Variants in CDH1 observed in about 807,000 individuals in gnomAD.
CDH1 encodes the protein cadherin-1.
In CDH1, 35 loss-of-function variants were observed where a neutral mutation model predicts 84.5. That is an observed-to-expected ratio of 0.41 (90% CI 0.32 to 0.55). The LOEUF is 0.55. CDH1 is among the 20% of genes least tolerant of loss of function. The pLI, the probability that CDH1 is intolerant of heterozygous loss-of-function variation, is 0.19. For missense variants in CDH1, 994 were observed against 1,126.6 expected (o/e 0.88, Z 1.68); for synonymous variants, 417 against 439.0 (o/e 0.95, Z 0.63).
chr16:68,825,609 G>A (rs1961299993), intron 13 of CDH1, among the ~76,000 whole-genome samples: 1 of 152,128 alleles, frequency 6.6e-6, no homozygotes, highest in African/African-American at 2.4e-5. Flanking sequence ...TGAGAATTGA[G>A]CAAGCCTTCT....
At chr16:68,778,566 CAG>C (rs1172788490) in intron 2 of CDH1, among the ~76,000 whole-genome samples, 1 of 151,814 alleles carries the variant, frequency 6.6e-6, no homozygotes. Context: ...TTCCCAGAAA[CAG>C]AAATGCTTCT....
Position 68,823,542 on chromosome 16 carries a change from G to A in CDH1, c.2080G>A (p.Val694Ile), listed in dbSNP as rs587780118. 15 of 1,613,924 alleles carry A rather than the reference G, an allele frequency of 9.3e-6. No individual in the cohort carries two copies. Among genetic ancestry groups the A allele is most frequent in the Middle Eastern group, 1.6e-4 (1 of 6,076 alleles). Residue 694 changes from valine to isoleucine, a missense_variant, in exon 13 of 16, where the codon GTC becomes ATC. Val to Ile is a conservative substitution (Grantham distance 29). This residue lies in a region of CDH1 where 769 missense variants were observed against 881.8 expected (regional missense o/e 0.87). Coordinates refer to ENST00000261769, the MANE Select transcript of CDH1 (RefSeq NM_004360.5). ...SVCDCEGAAG[V>I]CRKAQPVEAG... ...GTGTGACTGTGAAGGGGCCGCTGGC[G>A]TCTGTAGGAAGGCACAGCCTGTCGA...
In CDH1 at chr16:68,833,490, G is replaced by A. The variant is rs864622218; in HGVS notation, c.2640G>A (p.Glu880=). 4 of 1,613,568 alleles carry A rather than the reference G, an allele frequency of 2.5e-6. No individual in the cohort carries two copies. Among genetic ancestry groups the A allele is most frequent in the Non-Finnish European group, 3.4e-6 (4 of 1,179,864 alleles). Residue 880 remains glutamate, a synonymous_variant, in exon 16 of 16, where the codon GAG becomes GAA. Coordinates refer to ENST00000261769, the MANE Select transcript of CDH1 (RefSeq NM_004360.5). ...KKLADMYGGG[E]DD ...TGGCTGACATGTACGGAGGCGGCGA[G>A]GACGACTAGGGGACTCGAGAGAGGC...
intron 2 of CDH1, among the ~76,000 whole-genome samples, chr16:68,786,538 T>TTTTTTC (rs1259105525): frequency 7.5e-6 from 1 of 133,862 alleles, no homozygotes; most frequent in Non-Finnish European, 1.6e-5. Flanking sequence ...TTTTTTCTTT[T>TTTTTTC]TTTTTTTTTT....
Position 68,812,547 on chromosome 16 carries a change from A to G in CDH1, c.1137+284A>G, listed in dbSNP as rs7185782. Among the ~76,000 whole-genome samples the G allele has an allele frequency of 1.9e-3, 295 of 152,272 alleles. 1 individual carries two copies. The highest frequency in any genetic ancestry group is 6.9e-3 in the African/African-American group (288 of 41,554). On this transcript the variant is annotated intron_variant, in intron 8 of 15. Coordinates refer to ENST00000261769, the MANE Select transcript of CDH1 (RefSeq NM_004360.5). ...TTTATAGCAAATATTACCTGGTTTC[A>G]TTTCTTTATTGAACAAATATTTTCT...
At chr16:68,823,237 CAAAA>C (rs146046879) in intron 12 of CDH1, 158 bp from the exon 13 acceptor site, 2,295 of 519,332 alleles carry the variant, frequency 4.4e-3, no homozygotes, top group Middle Eastern at 5.8e-3. Context: ...CTTTTTACAG[CAAAA>C]AAAAAAAAAA....
At chr16:68,762,349 C>A (rs1015980947) in intron 2 of CDH1, among the ~76,000 whole-genome samples, 5 of 152,170 alleles carry the variant, frequency 3.3e-5, no homozygotes, top group East Asian at 1.9e-4. Flanking sequence ...TATGCTCCCC[C>A]ACCAGGCTGG....
intron 2 of CDH1, among the ~76,000 whole-genome samples, chr16:68,800,576 G>T (rs1055016704): frequency 6.6e-6 from 1 of 152,206 alleles, no homozygotes; most frequent in Non-Finnish European, 1.5e-5. Flanking sequence ...TTATAAAAGA[G>T]AACTTGGATG....
At chr16:68,758,737 C>T (rs1963084822) in intron 2 of CDH1, among the ~76,000 whole-genome samples, 1 of 151,788 alleles carries the variant, frequency 6.6e-6, no homozygotes, top group South Asian at 2.1e-4. Context: ...AAGAGTGATA[C>T]CCCCTTATCA....
intron 2 of CDH1, among the ~76,000 whole-genome samples, chr16:68,793,624 G>A (rs1960271437): frequency 6.6e-6 from 1 of 152,200 alleles, no homozygotes; most frequent in Non-Finnish European, 1.5e-5. Context: ...AGGCGCAGTG[G>A]CTCATACCTG....
At chr16:68,814,705 T>C (rs541476495) in intron 9 of CDH1, among the ~76,000 whole-genome samples, 23 of 152,192 alleles carry the variant, frequency 1.5e-4, no homozygotes, top group Non-Finnish European at 2.6e-4. Flanking sequence ...TCTGCTCTTG[T>C]GCTGGTTTAT....
chr16:68,800,958 G>A (rs557396716), intron 2 of CDH1, among the ~76,000 whole-genome samples: 1 of 152,080 alleles, frequency 6.6e-6, no homozygotes, highest in Non-Finnish European at 1.5e-5. Context: ...TCTTCGTCAC[G>A]ATTTTGTCCT....
At chr16:68,810,479 G>T in intron 6 of CDH1, 138 bp downstream of exon 6, 1 of 755,826 alleles carries the variant, frequency 1.3e-6, no homozygotes, top group South Asian at 1.5e-5. Context: ...AGCCATTGTT[G>T]TGTTATATGC....
chr16:68,815,818 A>G (rs1243683782), intron 10 of CDH1, 59 bp downstream of exon 10: 3 of 1,570,296 alleles, frequency 1.9e-6, no homozygotes, highest in African/African-American at 2.7e-5. Context: ...ATCATTTTAT[A>G]TGTAAATCAA....
chr16:68,823,112 C>A, intron 12 of CDH1: 2 of 407,318 alleles, frequency 4.9e-6, no homozygotes, highest in Non-Finnish European at 4.5e-6. Flanking sequence ...CCTACCGAAC[C>A]CAGCGACATC....
At chr16:68,743,551 A>G (rs2152115841) in intron 2 of CDH1, among the ~76,000 whole-genome samples, 1 of 151,710 alleles carries the variant, frequency 6.6e-6, no homozygotes, top group African/African-American at 2.4e-5. Flanking sequence ...TTTTTAGTAG[A>G]TTCGGGGTTT....
intron 2 of CDH1, among the ~76,000 whole-genome samples, chr16:68,762,334 TC>T (rs2152119420): frequency 6.6e-6 from 1 of 152,288 alleles, no homozygotes; most frequent in Non-Finnish European, 1.5e-5. Context: ...TCCCCTGGGT[TC>T]CTTTATGCTC....
intron 8 of CDH1, 113 bp from the exon 9 acceptor site, chr16:68,813,200 T>G: frequency 5.5e-6 from 6 of 1,083,318 alleles, no homozygotes; most frequent in Non-Finnish European, 7.1e-6. Flanking sequence ...CTGGTGACAG[T>G]GAGATCTTAT....
At chr16:68,829,002 C>T (rs1190023987) in intron 14 of CDH1, among the ~76,000 whole-genome samples, 2 of 152,084 alleles carry the variant, frequency 1.3e-5, no homozygotes, top group African/African-American at 2.4e-5. Flanking sequence ...GGGGATACCA[C>T]GTATATTGTA....
Sources: gnomAD v4.1 joint callset for allele counts (sites outside exome capture counted in the v4.1 genomes callset) on GRCh38, gnomAD v4.1.1 for gene constraint, gnomAD v4.1.1 regional missense constraint, MANE v1.5 for transcripts, NCBI Gene and HGNC (gene_info 2026-07-23, HGNC 2026-07-21) for gene names.